The following ABCB1 variants were observed in gnomAD, a reference collection of about 807,000 sequenced individuals.
The protein encoded by ABCB1 is ATP binding cassette subfamily B member 1, also known as ATP-dependent translocase ABCB1.
ABCB1 carries 69 observed loss-of-function variants against 142.0 expected under a neutral mutation model. The ratio of observed to expected loss-of-function variants is 0.49; its 90% CI spans 0.40 to 0.59. The LOEUF is 0.59. Ranked by LOEUF, ABCB1 falls within the 20% of genes least tolerant of loss-of-function variation. The pLI, the probability that ABCB1 is intolerant of heterozygous loss-of-function variation, is 0.00. For missense variants in ABCB1, 1,326 were observed against 1,554.7 expected (o/e 0.85, Z 2.47); for synonymous variants, 532 against 539.2 (o/e 0.99, Z 0.18).
In ABCB1 at chr7:87,503,906, T is replaced by C; in HGVS notation, c.*337A>G. ...TTATTATAGACACTTTATGCAAACA[T>C]TTCAATACTTTTTGCTACTTCTATA... is the stretch of plus-strand genomic sequence containing the variant. On this transcript the variant is annotated 3_prime_UTR_variant, in exon 28 of 28. Transcript: ENST00000622132. The C allele has an allele frequency of 2.9e-6, 1 of 346,024 alleles. No homozygotes were observed. The highest frequency in any genetic ancestry group is 6.9e-5 in the East Asian group (1 of 14,572). The allele number at this position is 346,024 out of a possible 1,614,324, so 21.4% of individuals were successfully genotyped here.
chr7:87,574,830 A>G (rs1379116712), intron 4 of ABCB1, among the ~76,000 whole-genome samples: 5 of 152,196 alleles, frequency 3.3e-5, no homozygotes, highest in African/African-American at 1.2e-4. Flanking sequence ...AAGTATGACT[A>G]TTTACACCTA....
At chr7:87,626,103 CAT>C (rs1344628705) in intron 1 of ABCB1, among the ~76,000 whole-genome samples, 9 of 120,400 alleles carry the variant, frequency 7.5e-5, no homozygotes, top group Non-Finnish European at 1.0e-4. Context: ...TATATATTGT[CAT>C]ATATATGTGT....
rs184636203 is a variant in ABCB1 at position 87,674,878 on chromosome 7, G to T, written c.-331+38283C>A. ...GTCCAGGTCTGACGGTCACCCTAAGGCTAAAGGCTCCCACAGGAGCATGGT... is the reference window on the plus strand; with the variant it reads ...GTCCAGGTCTGACGGTCACCCTAAGTCTAAAGGCTCCCACAGGAGCATGGT... On this transcript the variant is annotated intron_variant, in intron 1 of 28. Transcript: ENST00000265724. 1.1e-4 allele frequency among the ~76,000 whole-genome samples: 17 copies of T among 152,232 alleles called. No individual in the cohort carries two copies. In the East Asian group the frequency reaches 3.3e-3, roughly 30 times the overall value.
intron 25 of ABCB1, among the ~76,000 whole-genome samples, chr7:87,511,464 G>A (rs577324189): frequency 6.6e-6 from 1 of 152,318 alleles, no homozygotes; most frequent in South Asian, 2.1e-4. Flanking sequence ...AATGTTAAAT[G>A]TGTATTCTTC....
At chr7:87,517,306 T>C (rs1281045344) in intron 23 of ABCB1, among the ~76,000 whole-genome samples, 2 of 152,144 alleles carry the variant, frequency 1.3e-5, no homozygotes, top group Non-Finnish European at 2.9e-5. Flanking sequence ...GTTCCAAGCC[T>C]ATGACTCAGG....
chr7:87,706,708 G>C (rs1829623589), intron 1 of ABCB1, among the ~76,000 whole-genome samples: 1 of 152,154 alleles, frequency 6.6e-6, no homozygotes, highest in Admixed American at 6.5e-5. Context: ...TGTGGAGGTG[G>C]AGATTTTTAT....
intron 1 of ABCB1, among the ~76,000 whole-genome samples, chr7:87,670,581 G>T (rs1825725985): frequency 6.6e-6 from 1 of 152,188 alleles, no homozygotes; most frequent in Non-Finnish European, 1.5e-5. Flanking sequence ...TCTTGCATTG[G>T]TTCTTTCTCA....
intron 1 of ABCB1, among the ~76,000 whole-genome samples, chr7:87,679,768 A>T (rs964452814): frequency 2.0e-5 from 3 of 150,430 alleles, no homozygotes; most frequent in African/African-American, 7.4e-5. Flanking sequence ...CAAGTGGAAC[A>T]TTAAAAAAGA....
intron 3 of ABCB1, among the ~76,000 whole-genome samples, chr7:87,586,417 C>T (rs1818759001): frequency 6.6e-6 from 1 of 152,146 alleles, no homozygotes; most frequent in South Asian, 2.1e-4. Flanking sequence ...GTGATTAATA[C>T]TGCTTCCCTA....
chr7:87,678,637 A>C (rs1017227498), intron 1 of ABCB1, among the ~76,000 whole-genome samples: 2 of 152,238 alleles, frequency 1.3e-5, no homozygotes, highest in Non-Finnish European at 1.5e-5. Context: ...TAAGCACTCC[A>C]ATTAAAAGAG....
intron 1 of ABCB1, among the ~76,000 whole-genome samples, chr7:87,658,902 T>G (rs1303562449): frequency 1.3e-5 from 2 of 152,116 alleles, no homozygotes; most frequent in African/African-American, 4.8e-5. Flanking sequence ...AAGAAAGAAC[T>G]TTAGGCTGGG....
intron 1 of ABCB1, among the ~76,000 whole-genome samples, chr7:87,710,257 G>A (rs751754806): frequency 2.0e-5 from 3 of 152,076 alleles, no homozygotes; most frequent in Admixed American, 6.6e-5. Context: ...GAAGTAGAGA[G>A]TTATATCTTA....
intron 1 of ABCB1, chr7:87,628,902 C>T (rs756278870): frequency 3.1e-6 from 4 of 1,306,738 alleles, no homozygotes; most frequent in Admixed American, 3.1e-5. Flanking sequence ...CCTGAGCGCC[C>T]GCAATGCTGC....
In ABCB1 at chr7:87,662,038, A is replaced by C. The variant is rs1241296290; in HGVS notation, c.-331+51123T>G. ...GCACCATTTCATATACCTGTTTGCCATTTATAGGTCTTCTTTTGAGAAACA... is the reference window on the plus strand; with the variant it reads ...GCACCATTTCATATACCTGTTTGCCCTTTATAGGTCTTCTTTTGAGAAACA... On this transcript the variant is annotated intron_variant, in intron 1 of 28. Transcript: ENST00000265724. Among the ~76,000 whole-genome samples the C allele has an allele frequency of 3.9e-5, 6 of 152,194 alleles. No individual in the cohort carries two copies. In the East Asian group the frequency reaches 1.2e-3, roughly 29 times the overall value.
intron 17 of ABCB1, among the ~76,000 whole-genome samples, chr7:87,542,383 C>A (rs530964892): frequency 6.6e-6 from 1 of 152,142 alleles, no homozygotes; most frequent in Non-Finnish European, 1.5e-5. Flanking sequence ...CGGTTTTACA[C>A]AGATAGAAAC....
In ABCB1 at chr7:87,574,165, C is replaced by T. The variant is rs549911621; in HGVS notation, c.287-3942G>A. 1.2e-4 allele frequency among the ~76,000 whole-genome samples: 18 copies of T among 152,222 alleles called. No homozygotes were observed. The South Asian group carries it at 3.1e-3, about 26-fold the overall frequency. ...GGAAATATGTAGTGAGTTGAAGGGA[C>T]GGCTTTAGAACAGCTTCCAAGAATC... On this transcript the variant is annotated intron_variant, in intron 4 of 27. Transcript: ENST00000622132.
At chr7:87,651,301 A>C (rs887930830) in intron 1 of ABCB1, among the ~76,000 whole-genome samples, 5 of 152,170 alleles carry the variant, frequency 3.3e-5, no homozygotes, top group Non-Finnish European at 5.9e-5. Context: ...CTACTTTCTT[A>C]AACTTAGGTA....
intron 7 of ABCB1, 57 bp from the exon 8 acceptor site, chr7:87,561,444 A>G (rs1253343685): frequency 2.6e-6 from 4 of 1,511,548 alleles, no homozygotes; most frequent in Non-Finnish European, 3.6e-6. Context: ...TATCTTTTGT[A>G]AAGTAAAAAT....
At chr7:87,539,466 T>G in intron 18 of ABCB1, 121 bp from the exon 19 acceptor site, 2 of 1,015,476 alleles carry the variant, frequency 2.0e-6, no homozygotes, top group South Asian at 2.7e-5. Context: ...TTCAAGGGCT[T>G]GCTATGTTTC....
Sources: allele counts gnomAD v4.1 joint callset (sites outside exome capture counted in the v4.1 genomes callset), GRCh38; gene constraint gnomAD v4.1.1; transcripts MANE v1.5; gene names NCBI Gene and HGNC (gene_info 2026-07-23, HGNC 2026-07-21).